Variants in PDE7B observed in about 807,000 individuals in gnomAD.
The protein encoded by PDE7B is 3',5'-cyclic-AMP phosphodiesterase 7B.
Under a neutral mutation model 56.2 loss-of-function variants are expected in PDE7B, and 29 were observed. The ratio of observed to expected loss-of-function variants is 0.52; its 90% CI spans 0.38 to 0.70. PDE7B has a LOEUF of 0.70. Among genes scored for constraint, PDE7B ranks in the 30% least tolerant of loss-of-function variants. PDE7B has a pLI of 0.00. For missense variants in PDE7B, 490 were observed against 565.0 expected (o/e 0.87, Z 1.35); for synonymous variants, 197 against 196.9 (o/e 1.00, Z 0.00).
intron 2 of PDE7B, among the ~76,000 whole-genome samples, chr6:136,033,554 G>A (rs923261534): frequency 1.3e-5 from 2 of 152,118 alleles, no homozygotes; most frequent in Non-Finnish European, 2.9e-5. Flanking sequence ...ACAAGAGAAT[G>A]ATTGGGTATG....
At chr6:136,137,721 TC>T (rs1192225153) in intron 3 of PDE7B, among the ~76,000 whole-genome samples, 2 of 152,238 alleles carry the variant, frequency 1.3e-5, no homozygotes, top group East Asian at 1.9e-4. Context: ...CAGAGACTAT[TC>T]CATAAAGAAG....
At chr6:135,981,174 T>G (rs1278685651) in intron 2 of PDE7B, among the ~76,000 whole-genome samples, 2 of 151,140 alleles carry the variant, frequency 1.3e-5, no homozygotes, top group Non-Finnish European at 1.5e-5. Flanking sequence ...CTCAGTAAAC[T>G]ATCGCAAGAA....
intron 3 of PDE7B, among the ~76,000 whole-genome samples, chr6:136,131,208 AT>A (rs1329691703): frequency 2.0e-5 from 3 of 152,222 alleles, no homozygotes; most frequent in African/African-American, 4.8e-5. Flanking sequence ...CTACCAAAAA[AT>A]ATTATATATT....
At chr6:136,140,999 T>G (rs928678868) in intron 3 of PDE7B, among the ~76,000 whole-genome samples, 5 of 152,168 alleles carry the variant, frequency 3.3e-5, no homozygotes, top group African/African-American at 1.2e-4. Context: ...CTTCCAACAC[T>G]ATGTTGAATA....
At chr6:136,080,057 G>A (rs1381437274) in intron 2 of PDE7B, among the ~76,000 whole-genome samples, 1 of 152,122 alleles carries the variant, frequency 6.6e-6, no homozygotes. Context: ...CTATCACGAG[G>A]AGAGGGGAAA....
intron 2 of PDE7B, chr6:136,044,132 A>C (rs1776458936): frequency 6.6e-6 from 1 of 152,168 alleles, no homozygotes; most frequent in African/African-American, 2.4e-5. Flanking sequence ...TAGCCCCTTC[A>C]TGAATCCCTC....
chr6:135,899,428 A>C (rs1200231629), intron 1 of PDE7B, among the ~76,000 whole-genome samples: 1 of 150,566 alleles, frequency 6.6e-6, no homozygotes, highest in Non-Finnish European at 1.5e-5. Context: ...ATGTATATAT[A>C]ATATAGATAT....
chr6:136,026,038 T>A (rs1419869475), intron 2 of PDE7B, among the ~76,000 whole-genome samples: 1 of 152,194 alleles, frequency 6.6e-6, no homozygotes, highest in Non-Finnish European at 1.5e-5. Flanking sequence ...CAATGTCACA[T>A]CATCATTCTC....
chr6:136,063,787 G>A (rs946136738), intron 2 of PDE7B, among the ~76,000 whole-genome samples: 2 of 152,028 alleles, frequency 1.3e-5, no homozygotes, highest in Non-Finnish European at 2.9e-5. Flanking sequence ...GTCCTCCCTA[G>A]ACATTCAAAA....
At chr6:136,038,636 G>C in intron 2 of PDE7B, 1 of 822,016 alleles carries the variant, frequency 1.2e-6, no homozygotes, top group African/African-American at 1.8e-5. Context: ...TGTAGCATCA[G>C]GTCTGAGGGC....
At chr6:136,054,072 T>G (rs576816686) in intron 2 of PDE7B, among the ~76,000 whole-genome samples, 8 of 152,340 alleles carry the variant, frequency 5.3e-5, no homozygotes, top group South Asian at 2.1e-4. Context: ...AGATCCCATT[T>G]GTCAATTTTG....
At chr6:135,969,562 T>C (rs761047672) in intron 2 of PDE7B, among the ~76,000 whole-genome samples, 7 of 152,104 alleles carry the variant, frequency 4.6e-5, no homozygotes, top group Non-Finnish European at 1.0e-4. Flanking sequence ...GAGAACTGGC[T>C]AGCCATATAC....
intron 1 of PDE7B, among the ~76,000 whole-genome samples, chr6:135,903,725 AGTG>A (rs1255794779): frequency 6.6e-6 from 1 of 152,194 alleles, no homozygotes; most frequent in Non-Finnish European, 1.5e-5. Flanking sequence ...TCCTTTTTAA[AGTG>A]GTAATAAATG....
chr6:136,123,695 G>A (rs1266066612), intron 3 of PDE7B, among the ~76,000 whole-genome samples: 1 of 152,190 alleles, frequency 6.6e-6, no homozygotes, highest in African/African-American at 2.4e-5. Context: ...AGTGACTCAT[G>A]ACTTCTCAGA....
rs112880532 is a variant in PDE7B at position 135,992,334 on chromosome 6, T to C, written c.82+44810T>C. Among the ~76,000 whole-genome samples, 453 of 152,336 alleles carry C rather than the reference T, an allele frequency of 3.0e-3. 2 individuals carry two copies. Among genetic ancestry groups the C allele is most frequent in the African/African-American group, 0.01 (423 of 41,578 alleles). ...CCTTGGGCCACGGATGGGACTAGCT[T>C]GTTCTAGATATTTTCACCATAGCAG... is the stretch of plus-strand genomic sequence containing the variant. On this transcript the variant is annotated intron_variant, in intron 2 of 12. Transcript: ENST00000308191.
intron 2 of PDE7B, among the ~76,000 whole-genome samples, chr6:136,030,287 T>C (rs956123077): frequency 3.3e-5 from 5 of 152,260 alleles, no homozygotes; most frequent in African/African-American, 1.2e-4. Flanking sequence ...TCTAGACCCA[T>C]GCTCTTAGTT....
chr6:135,854,844 A>T (rs976963293), intron 1 of PDE7B, among the ~76,000 whole-genome samples: 1 of 152,218 alleles, frequency 6.6e-6, no homozygotes, highest in Non-Finnish European at 1.5e-5. Context: ...TAGAAACCCA[A>T]ATCAACTGAA....
chr6:135,867,634 G>T (rs1039247935), intron 1 of PDE7B, among the ~76,000 whole-genome samples: 2 of 151,978 alleles, frequency 1.3e-5, no homozygotes, highest in East Asian at 1.9e-4. Context: ...CTCTTAAATG[G>T]TAAGTTTTAT....
chr6:136,039,900 T>C (rs1487068201), intron 2 of PDE7B, among the ~76,000 whole-genome samples: 1 of 152,212 alleles, frequency 6.6e-6, no homozygotes, highest in African/African-American at 2.4e-5. Context: ...TTTCAGTCAA[T>C]TAAATGATTA....
Sources: gnomAD v4.1 joint callset for allele counts (sites outside exome capture counted in the v4.1 genomes callset) on GRCh38, gnomAD v4.1.1 for gene constraint, MANE v1.5 for transcripts, NCBI Gene and HGNC (gene_info 2026-07-23, HGNC 2026-07-21) for gene names.